PRPF39: variants seen among roughly 807,000 people sequenced by gnomAD.
PRPF39 encodes pre-mRNA-processing factor 39.
PRPF39 carries 27 observed loss-of-function variants against 82.1 expected under a neutral mutation model. That is an observed-to-expected ratio of 0.33 (90% CI 0.24 to 0.45). The LOEUF (loss-of-function observed/expected upper bound fraction) is 0.45. Ranked by LOEUF, PRPF39 falls within the 20% of genes least tolerant of loss-of-function variation. The pLI is 1.00. For missense variants in PRPF39, 581 were observed against 796.9 expected (o/e 0.73, Z 3.26); for synonymous variants, 261 against 256.4 (o/e 1.02, Z -0.17).
At chr14:45,094,029 T>A (rs1214855327) in intron 1 of PRPF39, among the ~76,000 whole-genome samples, 1 of 152,188 alleles carries the variant, frequency 6.6e-6, no homozygotes, top group Non-Finnish European at 1.5e-5. Context: ...AAGATATAGG[T>A]CTTTTTTATG....
Position 45,116,086 on chromosome 14 carries a change from C to A in PRPF39, c.*1173C>A. On this transcript the variant is annotated 3_prime_UTR_variant, in exon 14 of 14. Transcript: ENST00000355765. Reference sequence around the variant, plus strand: ...AAATTTTATTAACTCCTTGAATTTTCCAGTTGACTCTTCCTTTACAATAGT... The same window carrying A: ...AAATTTTATTAACTCCTTGAATTTTACAGTTGACTCTTCCTTTACAATAGT... 1.4e-6 allele frequency: 1 copy of A among 733,776 alleles called. No individual in the cohort carries two copies. Among genetic ancestry groups the A allele is most frequent in the Non-Finnish European group, 2.3e-6 (1 of 428,584 alleles). The allele number at this position is 733,776 out of a possible 1,614,324, so 45.5% of individuals were successfully genotyped here.
At chr14:45,096,711 C>G in intron 3 of PRPF39, 176 bp from the exon 4 acceptor site, 1 of 1,525,788 alleles carries the variant, frequency 6.6e-7, no homozygotes, top group Non-Finnish European at 8.8e-7. Context: ...AGACTCTGCA[C>G]GTGGGGATCA....
chr14:45,098,266 T>C (rs1884261152), intron 4 of PRPF39, among the ~76,000 whole-genome samples: 1 of 151,750 alleles, frequency 6.6e-6, no homozygotes, highest in South Asian at 2.1e-4. Context: ...AGTGACAGAG[T>C]GAGACCTTGT....
chr14:45,092,500 C>A (rs1287322056), intron 1 of PRPF39, among the ~76,000 whole-genome samples: 1 of 150,138 alleles, frequency 6.7e-6, no homozygotes, highest in Non-Finnish European at 1.5e-5. Flanking sequence ...ACTCAGGAGG[C>A]TGAGGCAGGA....
chr14:45,095,692 A>AG (rs1884176266), intron 2 of PRPF39, 129 bp downstream of exon 2: 1 of 1,213,118 alleles, frequency 8.2e-7, no homozygotes, highest in African/African-American at 1.5e-5. Flanking sequence ...GAATAACATT[A>AG]GGTAGCTACA....
At chr14:45,089,101 G>C (rs1209755055) in intron 1 of PRPF39, among the ~76,000 whole-genome samples, 1 of 152,136 alleles carries the variant, frequency 6.6e-6, no homozygotes, top group Non-Finnish European at 1.5e-5. Flanking sequence ...TTTTAAATTT[G>C]ATGTAGTCCT....
Position 45,095,224 on chromosome 14 carries a change from G to A in PRPF39, c.-16G>A, listed in dbSNP as rs762767232. On this transcript the variant is annotated 5_prime_UTR_variant, in exon 2 of 14. Transcript: ENST00000355765. ...TCTTTTTTTCGTGTTTCCACAGATCGTTAACTGAAGACAATATGCAAAATT... is the reference window on the plus strand; with the variant it reads ...TCTTTTTTTCGTGTTTCCACAGATCATTAACTGAAGACAATATGCAAAATT... 41 of 1,544,724 alleles carry A rather than the reference G, an allele frequency of 2.7e-5. No individual in the cohort carries two copies. The highest frequency in any genetic ancestry group is 1.1e-4 in the East Asian group (5 of 43,994).
At chr14:45,095,587 C>A in intron 2 of PRPF39, 24 bp downstream of exon 2, 1 of 1,531,710 alleles carries the variant, frequency 6.5e-7, no homozygotes, top group Non-Finnish European at 8.8e-7. Context: ...AAAATGGTAT[C>A]AGAAGGGACA....
intron 5 of PRPF39, among the ~76,000 whole-genome samples, chr14:45,105,727 T>G (rs1250206722): frequency 6.6e-6 from 1 of 151,832 alleles, no homozygotes; most frequent in African/African-American, 2.4e-5. Flanking sequence ...GGTTTCAGCG[T>G]GTTTGCCAGG....
intron 8 of PRPF39, 86 bp downstream of exon 8, chr14:45,109,866 G>T: frequency 6.6e-7 from 1 of 1,521,348 alleles, no homozygotes; most frequent in African/African-American, 1.4e-5. Flanking sequence ...GTTGAATGTT[G>T]TTCATATAAC....
chr14:45,112,259 A>C, intron 10 of PRPF39, 59 bp from the exon 11 acceptor site: 1 of 1,347,430 alleles, frequency 7.4e-7, no homozygotes. Context: ...GGCATTTTAA[A>C]TATCTGTGCT....
intron 4 of PRPF39, among the ~76,000 whole-genome samples, chr14:45,100,847 C>G (rs750840666): frequency 1.3e-4 from 19 of 151,956 alleles, no homozygotes; most frequent in Non-Finnish European, 2.1e-4. Flanking sequence ...TTACTGGTTC[C>G]TGAGTTTTGT....
At position 45,096,090 on chromosome 14, in the gene PRPF39, T is replaced by C; in HGVS notation, c.325-13T>C. 1 of 1,548,382 alleles carries C rather than the reference T, an allele frequency of 6.5e-7. No homozygotes were observed. The highest frequency in any genetic ancestry group is 8.7e-7 in the Non-Finnish European group (1 of 1,144,186). On this transcript the variant is annotated splice_polypyrimidine_tract_variant and intron_variant, in intron 2 of 13. Transcript: ENST00000355765. ...ATTTCCACAATATTTAAATACTGTT[T>C]TATTTTTATCAGAATCACTTGATGG...
chr14:45,091,787 A>G (rs113838613), intron 1 of PRPF39, among the ~76,000 whole-genome samples: 2 of 152,316 alleles, frequency 1.3e-5, no homozygotes, highest in South Asian at 4.1e-4. Context: ...AATGATAGCT[A>G]TTGTTGCCGG....
At chr14:45,101,465 T>C (rs1002878619) in intron 4 of PRPF39, among the ~76,000 whole-genome samples, 4 of 152,068 alleles carry the variant, frequency 2.6e-5, no homozygotes, top group African/African-American at 9.7e-5. Flanking sequence ...ACAAACTTTT[T>C]TTTTTTCTTT....
chr14:45,102,720 G>GA (rs1332412369), intron 5 of PRPF39, 24 bp downstream of exon 5: 11 of 1,548,460 alleles, frequency 7.1e-6, no homozygotes, highest in Non-Finnish European at 9.7e-6. Flanking sequence ...TCTGATCATT[G>GA]AAACATCTTT....
Position 45,115,039 on chromosome 14 carries a change from ATGATT to A in PRPF39, c.*129_*133del. On this transcript the variant is annotated 3_prime_UTR_variant, in exon 14 of 14. Transcript: ENST00000355765. The stretch of plus-strand genomic sequence containing the variant: ...CCTGTCTTCCTTGTTTCTGTGTAAC[ATGATT>A]TGTTTAGTAATAGGGGGAAAATGTC... 1.5e-6 allele frequency: 1 copy of A among 685,578 alleles called. No homozygotes were observed. Among genetic ancestry groups the A allele is most frequent in the Admixed American group, 2.8e-5 (1 of 35,384 alleles). The allele number at this position is 685,578 out of a possible 1,614,324, so 42.5% of individuals were successfully genotyped here. A position where few individuals can be genotyped will look rare whatever the true frequency, so the allele number is the denominator to read the frequency against.
At chr14:45,109,196 G>A (rs948958176) in intron 7 of PRPF39, among the ~76,000 whole-genome samples, 1 of 152,066 alleles carries the variant, frequency 6.6e-6, no homozygotes, top group Admixed American at 6.6e-5. Context: ...ACAGATATAT[G>A]TATATACATT....
chr14:45,089,024 A>C (rs1883934165), intron 1 of PRPF39, among the ~76,000 whole-genome samples: 1 of 152,206 alleles, frequency 6.6e-6, no homozygotes. Flanking sequence ...ATGATATGCA[A>C]ATATTTTCTC....
Sources: allele counts gnomAD v4.1 joint callset (sites outside exome capture counted in the v4.1 genomes callset), GRCh38; gene constraint gnomAD v4.1.1; transcripts MANE v1.5; gene names NCBI Gene and HGNC (gene_info 2026-07-23, HGNC 2026-07-21).